Variants in FBXL17 observed in about 807,000 individuals in gnomAD.
FBXL17 encodes F-box and leucine rich repeat protein 17.
FBXL17 carries 22 observed loss-of-function variants against 66.2 expected under a neutral mutation model. The ratio of observed to expected loss-of-function variants is 0.33; its 90% CI spans 0.24 to 0.47. FBXL17 has a LOEUF of 0.47. FBXL17 is among the 20% of genes least tolerant of loss of function. The pLI is 1.00. For synonymous variants in FBXL17, 474 were observed against 400.5 expected, an observed-to-expected ratio of 1.18 and a Z score of -2.19; for missense variants, 878 against 948.2, an observed-to-expected ratio of 0.93 and a Z score of 0.97.
At chr5:108,284,982 G>A (rs1757842063) in intron 4 of FBXL17, among the ~76,000 whole-genome samples, 1 of 151,852 alleles carries the variant, frequency 6.6e-6, no homozygotes, top group Non-Finnish European at 1.5e-5. Context: ...AAAAATTGAA[G>A]TAAATCCTCT....
At chr5:108,092,130 C>A (rs1372120349) in intron 6 of FBXL17, among the ~76,000 whole-genome samples, 5 of 152,156 alleles carry the variant, frequency 3.3e-5, no homozygotes, top group Admixed American at 3.3e-4. Context: ...TAACTAGTGT[C>A]ATTGTTGTAA....
chr5:108,207,562 G>C (rs955366399), intron 5 of FBXL17, among the ~76,000 whole-genome samples: 1 of 151,936 alleles, frequency 6.6e-6, no homozygotes, highest in Non-Finnish European at 1.5e-5. Context: ...TCCCACTTAC[G>C]AGTGAGAACA....
chr5:108,266,564 T>A (rs77451349), intron 4 of FBXL17, among the ~76,000 whole-genome samples: 18,426 of 152,056 alleles, frequency 0.12, 1,356 homozygotes, highest in Admixed American at 0.16. Context: ...TGTGCAAGAG[T>A]ACTGATGCTG....
At chr5:108,299,829 G>C in intron 4 of FBXL17, 1 of 984,914 alleles carries the variant, frequency 1.0e-6, no homozygotes, top group East Asian at 1.1e-4. Flanking sequence ...CAAAATGTCA[G>C]TCGAGAATCT....
intron 1 of FBXL17, among the ~76,000 whole-genome samples, chr5:108,369,269 C>T (rs1411403400): frequency 2.6e-5 from 4 of 152,194 alleles, no homozygotes; most frequent in African/African-American, 9.6e-5. Flanking sequence ...AACCTTTTAT[C>T]TTTTACCTAG....
Position 108,262,169 on chromosome 5 carries a change from C to T in FBXL17, c.1507-37941G>A, listed in dbSNP as rs568358712. On this transcript the variant is annotated intron_variant, in intron 4 of 8. Transcript: ENST00000542267. ...TTGGCTCACTGCAAGCTCCGCCTCC[C>T]GGGTTCACGCCATTCTCCTGCCTCG... is the stretch of plus-strand genomic sequence containing the variant. 1.2e-4 allele frequency among the ~76,000 whole-genome samples: 18 copies of T among 151,364 alleles called. No individual in the cohort carries two copies. In the East Asian group the frequency reaches 3.3e-3, roughly 28 times the overall value.
intron 7 of FBXL17, among the ~76,000 whole-genome samples, chr5:107,988,023 G>A (rs1753089039): frequency 6.6e-6 from 1 of 151,718 alleles, no homozygotes; most frequent in African/African-American, 2.4e-5. Context: ...GTTTGAAAAC[G>A]AACACACAAA....
chr5:108,138,894 T>G (rs1580498123), intron 6 of FBXL17, among the ~76,000 whole-genome samples: 2 of 152,150 alleles, frequency 1.3e-5, no homozygotes, highest in African/African-American at 4.8e-5. Context: ...TAAAAGCTTG[T>G]GACAAATTTT....
At chr5:108,303,361 AACACACAC>A (rs58495859) in intron 4 of FBXL17, among the ~76,000 whole-genome samples, 4,441 of 141,962 alleles carry the variant, frequency 0.031, 85 homozygotes, top group Non-Finnish European at 0.048. Flanking sequence ...CACAGGCATA[AACACACAC>A]ACACACACAC....
chr5:107,910,457 T>C (rs1749913018), intron 7 of FBXL17, among the ~76,000 whole-genome samples: 1 of 152,020 alleles, frequency 6.6e-6, no homozygotes, highest in South Asian at 2.1e-4. Context: ...ACAGCAAGCA[T>C]CAGATTTGAT....
At chr5:108,360,597 G>T (rs995116477) in intron 3 of FBXL17, among the ~76,000 whole-genome samples, 11 of 151,972 alleles carry the variant, frequency 7.2e-5, no homozygotes, top group African/African-American at 2.7e-4. Context: ...TGAATTTATT[G>T]AGTTTCTTGG....
At chr5:108,019,328 A>G (rs1397362515) in intron 7 of FBXL17, among the ~76,000 whole-genome samples, 1 of 152,156 alleles carries the variant, frequency 6.6e-6, no homozygotes. Context: ...TATCTTCTGG[A>G]ACATTTCTTT....
chr5:108,133,299 G>T (rs1337642908), intron 6 of FBXL17, among the ~76,000 whole-genome samples: 10 of 151,382 alleles, frequency 6.6e-5, no homozygotes, highest in Non-Finnish European at 1.5e-4. Context: ...TTCTTTCAGG[G>T]GTCTCCAACT....
chr5:108,305,490 A>G (rs1489391764), intron 4 of FBXL17, among the ~76,000 whole-genome samples: 1 of 151,760 alleles, frequency 6.6e-6, no homozygotes, highest in African/African-American at 2.4e-5. Context: ...TGAAGGGGGA[A>G]AAAAAAAGAA....
chr5:107,874,113 T>C (rs8180457), intron 8 of FBXL17, among the ~76,000 whole-genome samples: 131,366 of 152,176 alleles, frequency 0.86, 56,835 homozygotes, highest in South Asian at 0.92. Flanking sequence ...AGGACTGACT[T>C]CTACCGGTTC....
chr5:107,977,931 G>A (rs1235248923), intron 7 of FBXL17, among the ~76,000 whole-genome samples: 1 of 152,194 alleles, frequency 6.6e-6, no homozygotes, highest in Non-Finnish European at 1.5e-5. Context: ...TGTAGGTTAG[G>A]AAAGCTAGCT....
chr5:108,166,160 G>A (rs6870573), intron 6 of FBXL17, among the ~76,000 whole-genome samples: 64,362 of 152,088 alleles, frequency 0.42, 14,772 homozygotes, highest in Non-Finnish European at 0.52. Context: ...AGAGTCAAGT[G>A]AGACTTTGAT....
At chr5:107,877,517 G>A (rs1050767005) in intron 8 of FBXL17, among the ~76,000 whole-genome samples, 1 of 152,154 alleles carries the variant, frequency 6.6e-6, no homozygotes, top group African/African-American at 2.4e-5. Context: ...GTTTGGTAAA[G>A]TATAGCCTCC....
At chr5:107,923,615 T>G (rs2112564365) in intron 7 of FBXL17, among the ~76,000 whole-genome samples, 1 of 152,290 alleles carries the variant, frequency 6.6e-6, no homozygotes, top group Non-Finnish European at 1.5e-5. Flanking sequence ...GAAAAGCTGC[T>G]CCTTTTTAAA....
Sources: allele counts gnomAD v4.1 joint callset (sites outside exome capture counted in the v4.1 genomes callset), GRCh38; gene constraint gnomAD v4.1.1; transcripts MANE v1.5; gene names NCBI Gene and HGNC (gene_info 2026-07-23, HGNC 2026-07-21).